Variants in PCDH15 observed in about 807,000 individuals in gnomAD.
PCDH15 encodes protocadherin-15.
PCDH15 carries 129 observed loss-of-function variants against 178.5 expected under a neutral mutation model. The observed-to-expected ratio is 0.72, with a 90% CI of 0.63 to 0.84. The LOEUF is 0.84. Among genes scored for constraint, PCDH15 ranks in the 40% least tolerant of loss-of-function variants. PCDH15 has a pLI of 0.00. For synonymous variants in PCDH15, 800 were observed against 732.0 expected (o/e 1.09, Z -1.50); for missense variants, 2,230 against 2,099.9 (o/e 1.06, Z -1.21).
intron 2 of PCDH15, among the ~76,000 whole-genome samples, chr10:55,405,283 G>GAGATATATATATATATATATAT (rs1838169475): frequency 9.3e-6 from 1 of 108,084 alleles, no homozygotes; most frequent in South Asian, 2.9e-4. Context: ...TGAGGTAACA[G>GAGATATATATATATATATATAT]ATATATATAT....
rs556823006 is a variant in PCDH15, at chr10:53,892,734, T to A, written c.3501+10509A>T. Among the ~76,000 whole-genome samples the A allele has an allele frequency of 5.9e-5, 9 of 152,242 alleles. No homozygotes were observed. The South Asian group carries it at 1.9e-3, about 32-fold the overall frequency. On this transcript the variant is annotated intron_variant, in intron 26 of 37. Coordinates refer to ENST00000644397, the MANE Select transcript of PCDH15 (RefSeq NM_001384140.1). ...AACTAGTACAGGAGAAAATGCAGGA[T>A]TAGACTATTTGAAACGGAATATCAA...
rs900051122 is a variant in PCDH15, at chr10:54,376,037, G to C, written c.318+2745C>G. Among the ~76,000 whole-genome samples the C allele has an allele frequency of 1.3e-5, 2 of 151,440 alleles. 1 individual carries two copies. Among genetic ancestry groups the C allele is most frequent in the Non-Finnish European group, 2.9e-5 (2 of 67,848 alleles). ...AGCCTCTACAGTAGCTGGGATTACA[G>C]GGTACCTGCCACAATGCCTGGATAA... On this transcript the variant is annotated intron_variant, in intron 4 of 37. Transcript: ENST00000644397.
Position 54,421,693 on chromosome 10 carries a change from T to TACAC in PCDH15, c.158-42755_158-42752dup, listed in dbSNP as rs1335935955. On this transcript the variant is annotated intron_variant, in intron 3 of 37. Transcript: ENST00000644397. Reference sequence around the variant, plus strand: ...ATACATATATATATATATATATATATACACACACACACACACACTATATAT... The same window carrying TACAC: ...ATACATATATATATATATATATATATACACACACACACACACACACACTATATAT... Among the ~76,000 whole-genome samples the TACAC allele has an allele frequency of 3.6e-4, 42 of 115,906 alleles. 1 individual carries two copies. Among genetic ancestry groups the TACAC allele is most frequent in the Admixed American group, 1.6e-3 (18 of 11,498 alleles). The allele number at this position is 115,906 out of a possible 152,430, so 76.0% of individuals were successfully genotyped here.
intron 2 of PCDH15, among the ~76,000 whole-genome samples, chr10:55,580,499 A>G (rs1165312104): frequency 1.3e-5 from 2 of 151,916 alleles, no homozygotes; most frequent in Non-Finnish European, 2.9e-5. Flanking sequence ...CTGGGATTAC[A>G]GGTGCCCACC....
At chr10:54,233,118 A>AT (rs1037525274) in intron 9 of PCDH15, among the ~76,000 whole-genome samples, 7 of 151,622 alleles carry the variant, frequency 4.6e-5, no homozygotes, top group Non-Finnish European at 7.4e-5. Flanking sequence ...TAATTCTTGT[A>AT]TTTTTTGTAG....
At chr10:54,665,386 C>T (rs554233624) in intron 1 of PCDH15, among the ~76,000 whole-genome samples, 1 of 152,098 alleles carries the variant, frequency 6.6e-6, no homozygotes, top group Non-Finnish European at 1.5e-5. Context: ...AGACTAAATG[C>T]TTCTAGCAGG....
At chr10:55,343,595 AAG>A (rs1250682744) in intron 2 of PCDH15, among the ~76,000 whole-genome samples, 1 of 151,396 alleles carries the variant, frequency 6.6e-6, no homozygotes, top group Non-Finnish European at 1.5e-5. Context: ...ATATCTGAAA[AAG>A]AGATTCTAAT....
intron 9 of PCDH15, among the ~76,000 whole-genome samples, chr10:54,230,437 A>G (rs2053932798): frequency 6.6e-6 from 1 of 152,208 alleles, no homozygotes; most frequent in Admixed American, 6.5e-5. Context: ...AATATGAAAT[A>G]CAAAATGAAA....
chr10:55,014,975 C>T (rs1185390964), intron 2 of PCDH15, among the ~76,000 whole-genome samples: 2 of 152,232 alleles, frequency 1.3e-5, no homozygotes, highest in African/African-American at 4.8e-5. Flanking sequence ...AATCTCAGCA[C>T]TTTGGGAGGC....
chr10:54,420,340 C>T (rs912354462), intron 3 of PCDH15, among the ~76,000 whole-genome samples: 14 of 152,016 alleles, frequency 9.2e-5, no homozygotes, highest in African/African-American at 2.7e-4. Context: ...CTGAAACCTC[C>T]AGCAGAATTA....
chr10:55,177,515 G>A (rs12414242), intron 1 of PCDH15, among the ~76,000 whole-genome samples: 19,315 of 152,180 alleles, frequency 0.13, 1,542 homozygotes, highest in Non-Finnish European at 0.17. Flanking sequence ...AAGGATGGCC[G>A]GCCTGCCTCT....
intron 2 of PCDH15, among the ~76,000 whole-genome samples, chr10:55,420,488 T>C (rs984912650): frequency 1.1e-4 from 16 of 151,448 alleles, no homozygotes. Flanking sequence ...TTCAGAGTAG[T>C]ACCTGACATA....
At chr10:54,852,487 T>C (rs1482908929) in intron 3 of PCDH15, among the ~76,000 whole-genome samples, 1 of 152,042 alleles carries the variant, frequency 6.6e-6, no homozygotes, top group Non-Finnish European at 1.5e-5. Context: ...CCAGAGAAAA[T>C]ATCTGAGCTT....
Position 55,010,466 on chromosome 10 carries a change from G to T in PCDH15, c.-79-112966C>A, listed in dbSNP as rs186881238. Among the ~76,000 whole-genome samples, 3 of 152,148 alleles carry T rather than the reference G, an allele frequency of 2.0e-5. No individual in the cohort carries two copies. In the East Asian group the frequency reaches 5.8e-4, roughly 29 times the overall value. On this transcript the variant is annotated intron_variant, in intron 2 of 5. Transcript: ENST00000458638. ...TAAGTGCTATAAAGATAACAAAGAGGGACTTTGGGTAGGAGGCATAATGTA... is the reference window on the plus strand; with the variant it reads ...TAAGTGCTATAAAGATAACAAAGAGTGACTTTGGGTAGGAGGCATAATGTA...
Position 53,933,484 on chromosome 10 carries a change from C to T in PCDH15, c.3373+5331G>A, listed in dbSNP as rs1589493863. Among the ~76,000 whole-genome samples, 7 of 152,202 alleles carry T rather than the reference C, an allele frequency of 4.6e-5. 1 individual carries two copies. The East Asian group carries it at 1.4e-3, about 29-fold the overall frequency. On this transcript the variant is annotated intron_variant, in intron 25 of 37. Transcript: ENST00000644397. ...TGATGGTTTCCAGTTTCATCCATGT[C>T]CCTATAAAGGACATGAACTCATCCT...
At chr10:55,503,216 T>C (rs1840692640) in intron 2 of PCDH15, among the ~76,000 whole-genome samples, 1 of 151,154 alleles carries the variant, frequency 6.6e-6, no homozygotes, top group Admixed American at 6.6e-5. Flanking sequence ...CTCAATACAA[T>C]TACAAAGTTT....
chr10:55,562,630 C>T (rs973115198), intron 2 of PCDH15, among the ~76,000 whole-genome samples: 1 of 151,932 alleles, frequency 6.6e-6, no homozygotes, highest in African/African-American at 2.4e-5. Context: ...GATATGAAAT[C>T]AATGCTCAGG....
At chr10:54,672,370 T>C (rs988313612) in intron 1 of PCDH15, among the ~76,000 whole-genome samples, 4 of 152,154 alleles carry the variant, frequency 2.6e-5, no homozygotes, top group Non-Finnish European at 5.9e-5. Context: ...ACCATTGCCA[T>C]AGATAGTGGA....
At chr10:54,605,943 T>G (rs1461232573) in intron 2 of PCDH15, 1 of 152,106 alleles carries the variant, frequency 6.6e-6, no homozygotes, top group Non-Finnish European at 1.5e-5. Flanking sequence ...AGACTGAAGC[T>G]AGAGGCTTGC....
Sources: allele counts gnomAD v4.1 joint callset (sites outside exome capture counted in the v4.1 genomes callset), GRCh38; gene constraint gnomAD v4.1.1; transcripts MANE v1.5; gene names NCBI Gene and HGNC (gene_info 2026-07-23, HGNC 2026-07-21).